Variants in KCNB2 observed in about 807,000 individuals in gnomAD.
KCNB2 encodes the protein potassium voltage-gated channel subfamily B member 2, also known as delayed rectifier potassium channel protein.
A neutral mutation model predicts 61.5 loss-of-function variants in KCNB2; 15 were observed. The observed-to-expected ratio is 0.24, with a 90% CI of 0.16 to 0.38. The LOEUF (loss-of-function observed/expected upper bound fraction) is 0.38, where lower values mean the gene tolerates loss of function less well. Among genes scored for constraint, KCNB2 ranks in the 10% least tolerant of loss-of-function variants. The pLI is 1.00. For missense variants in KCNB2, 828 were observed against 1,125.2 expected, an observed-to-expected ratio of 0.74 and a Z score of 3.78; for synonymous variants, 457 against 446.0, an observed-to-expected ratio of 1.02 and a Z score of -0.31.
intron 2 of KCNB2, among the ~76,000 whole-genome samples, chr8:72,757,763 A>T (rs1808314015): frequency 6.6e-6 from 1 of 152,224 alleles, no homozygotes; most frequent in African/African-American, 2.4e-5. Context: ...ATGGGGGCTG[A>T]TGCTGAAGTT....
intron 2 of KCNB2, among the ~76,000 whole-genome samples, chr8:72,922,489 T>C (rs116433633): frequency 0.015 from 2,361 of 152,326 alleles, 66 homozygotes; most frequent in African/African-American, 0.054. Context: ...GGAAATTCTA[T>C]GATGAATACT....
intron 2 of KCNB2, among the ~76,000 whole-genome samples, chr8:72,821,817 G>C (rs1026385107): frequency 6.6e-6 from 1 of 152,018 alleles, no homozygotes; most frequent in East Asian, 1.9e-4. Context: ...CAAAGGTGAA[G>C]GGAAGGATGG....
chr8:72,666,495 A>G (rs933219273), intron 2 of KCNB2, among the ~76,000 whole-genome samples: 4 of 152,212 alleles, frequency 2.6e-5, no homozygotes, highest in African/African-American at 9.7e-5. Flanking sequence ...TCATACCACT[A>G]TCTTGATTTT....
At chr8:72,778,650 A>C (rs1395274478) in intron 2 of KCNB2, among the ~76,000 whole-genome samples, 2 of 143,246 alleles carry the variant, frequency 1.4e-5, no homozygotes, top group Non-Finnish European at 3.0e-5. Context: ...CAGGAAGATC[A>C]CTTGAGCCCA....
At chr8:72,606,725 G>A (rs1379941393) in intron 2 of KCNB2, among the ~76,000 whole-genome samples, 3 of 152,120 alleles carry the variant, frequency 2.0e-5, no homozygotes, top group Non-Finnish European at 4.4e-5. Flanking sequence ...GGTCCCCACG[G>A]GGAAAAAGAC....
intron 2 of KCNB2, among the ~76,000 whole-genome samples, chr8:72,927,271 CTTT>C (rs66960603): frequency 2.7e-5 from 4 of 148,936 alleles, no homozygotes; most frequent in South Asian, 2.1e-4. Flanking sequence ...TCTTTTCTTT[CTTT>C]TTTTTTTTTC....
intron 2 of KCNB2, among the ~76,000 whole-genome samples, chr8:72,761,776 T>G (rs530734104): frequency 1.4e-5 from 2 of 138,624 alleles, no homozygotes; most frequent in Non-Finnish European, 3.1e-5. Context: ...GGCATTGATT[T>G]TAGAATAAAA....
At chr8:72,769,660 G>C (rs1464095381) in intron 2 of KCNB2, among the ~76,000 whole-genome samples, 1 of 152,154 alleles carries the variant, frequency 6.6e-6, no homozygotes, top group Non-Finnish European at 1.5e-5. Context: ...AGAAGAGACA[G>C]ACAGGCAATC....
intron 2 of KCNB2, among the ~76,000 whole-genome samples, chr8:72,908,496 T>C (rs1585968289): frequency 6.6e-6 from 1 of 152,162 alleles, no homozygotes; most frequent in East Asian, 1.9e-4. Flanking sequence ...ACTTGATGAA[T>C]GAATGGATGG....
intron 2 of KCNB2, among the ~76,000 whole-genome samples, chr8:72,839,239 A>G (rs889255106): frequency 6.6e-6 from 1 of 152,184 alleles, no homozygotes; most frequent in Admixed American, 6.5e-5. Flanking sequence ...ATTTCTATGT[A>G]GTCTTATTTT....
At chr8:72,915,299 T>G (rs1318768551) in intron 2 of KCNB2, among the ~76,000 whole-genome samples, 2 of 152,064 alleles carry the variant, frequency 1.3e-5, no homozygotes, top group African/African-American at 4.8e-5. Context: ...ACCCTTCACT[T>G]TTTGAATTCC....
At chr8:72,744,917 A>T (rs1489362346) in intron 2 of KCNB2, among the ~76,000 whole-genome samples, 2 of 152,204 alleles carry the variant, frequency 1.3e-5, no homozygotes, top group Non-Finnish European at 2.9e-5. Context: ...CAATGGGCTT[A>T]TAGGCTGCCC....
Position 72,537,832 on chromosome 8 carries a change from C to T in KCNB2, c.-147C>T, listed in dbSNP as rs1806138438. 1 of 152,420 alleles carries T rather than the reference C, an allele frequency of 6.6e-6. No homozygotes were observed. The highest frequency in any genetic ancestry group is 6.5e-5 in the Admixed American group (1 of 15,312). The allele number at this position is 152,420 out of a possible 1,614,324, so 9.4% of individuals were successfully genotyped here. A position where few individuals can be genotyped will look rare whatever the true frequency, so the allele number is the denominator to read the frequency against. The stretch of plus-strand genomic sequence containing the variant: ...CGGAGGGAGCGGGGAATCCCACAGC[C>T]CTTTGTGGTGCCCGAGCCCGTGCCG... On this transcript the variant is annotated 5_prime_UTR_variant, in exon 1 of 3. Transcript: ENST00000523207.
At chr8:72,694,843 TATTA>T (rs879560701) in intron 2 of KCNB2, among the ~76,000 whole-genome samples, 27 of 151,798 alleles carry the variant, frequency 1.8e-4, no homozygotes, top group Non-Finnish European at 3.4e-4. Context: ...ATTAATAAAT[TATTA>T]ATAAAATAAA....
intron 2 of KCNB2, among the ~76,000 whole-genome samples, chr8:72,804,032 G>C (rs1031500633): frequency 6.6e-6 from 1 of 152,218 alleles, no homozygotes; most frequent in Admixed American, 6.5e-5. Context: ...GGACATGGCG[G>C]GAGAGGGTCT....
intron 2 of KCNB2, among the ~76,000 whole-genome samples, chr8:72,895,544 A>C (rs1277785002): frequency 6.6e-6 from 1 of 152,204 alleles, no homozygotes; most frequent in Non-Finnish European, 1.5e-5. Context: ...CAGAACTGCC[A>C]GATAATAAAT....
chr8:72,770,417 G>T (rs1353803385), intron 2 of KCNB2, among the ~76,000 whole-genome samples: 1 of 152,158 alleles, frequency 6.6e-6, no homozygotes, highest in Non-Finnish European at 1.5e-5. Flanking sequence ...CTCCAAGGAG[G>T]AAAGTCCAAG....
intron 2 of KCNB2, among the ~76,000 whole-genome samples, chr8:72,821,659 A>C (rs111991851): frequency 0.35 from 39,808 of 113,904 alleles, 9,616 homozygotes; most frequent in African/African-American, 0.63. Context: ...AAAAAAAAAA[A>C]ACACACACAC....
intron 2 of KCNB2, among the ~76,000 whole-genome samples, chr8:72,823,699 A>C (rs1809550147): frequency 6.6e-6 from 1 of 152,236 alleles, no homozygotes. Flanking sequence ...ATGAATTCTA[A>C]GAACCATCTA....
Sources: allele counts gnomAD v4.1 joint callset (sites outside exome capture counted in the v4.1 genomes callset), GRCh38; gene constraint gnomAD v4.1.1; transcripts MANE v1.5; gene names NCBI Gene and HGNC (gene_info 2026-07-23, HGNC 2026-07-21).